Variants in MFN1 observed in about 807,000 individuals in gnomAD.
MFN1 encodes the protein mitofusin 1, also known as mitofusin-1.
MFN1 carries 65 observed loss-of-function variants against 92.4 expected under a neutral mutation model. That is an observed-to-expected ratio of 0.70 (90% CI 0.58 to 0.86). The LOEUF is 0.86. Ranked by LOEUF, MFN1 falls within the 40% of genes least tolerant of loss-of-function variation. MFN1 has a pLI of 0.00. For missense variants in MFN1, 781 were observed against 868.0 expected (o/e 0.90, Z 1.26); for synonymous variants, 297 against 300.9 (o/e 0.99, Z 0.13).
Position 179,378,549 on chromosome 3 carries a change from TTCTTA to T in MFN1, c.1433-30_1433-26del, listed in dbSNP as rs551476615. 4,454 of 1,564,004 alleles carry T rather than the reference TTCTTA, an allele frequency of 2.8e-3. 11 individuals are homozygous for T. Among genetic ancestry groups the T allele is most frequent in the Middle Eastern group, 7.5e-3 (44 of 5,900 alleles). On this transcript the variant is annotated intron_variant, in intron 13 of 17. Coordinates refer to ENST00000471841, the MANE Select transcript of MFN1 (RefSeq NM_033540.3). ...TCCATTGAAGGTAAAACATTTACCA[TTCTTA>T]TCTTAAGTGTTGTAATTTTGTTCTT...
chr3:179,385,492 T>G, intron 14 of MFN1, 77 bp from the exon 15 acceptor site: 1 of 1,363,172 alleles, frequency 7.3e-7, no homozygotes. Flanking sequence ...TGTGCTACTA[T>G]AATTTTAGAG....
At chr3:179,363,743 C>T (rs2108533637) in intron 5 of MFN1, among the ~76,000 whole-genome samples, 1 of 152,212 alleles carries the variant, frequency 6.6e-6, no homozygotes, top group African/African-American at 2.4e-5. Flanking sequence ...CCCGCCTTGG[C>T]ATCCCAAAAT....
At position 179,386,615 on chromosome 3, in the gene MFN1, T is replaced by G; in HGVS notation, c.1998T>G (p.Ser666Arg). Residue 666 changes from serine to arginine, a missense_variant, in exon 16 of 18, where the codon AGT becomes AGG. By Grantham distance (110) the Ser-to-Arg change is moderately radical. Coordinates refer to ENST00000471841, the MANE Select transcript of MFN1 (RefSeq NM_033540.3). ...TTAGCTCCACGAGTGCAAACTGCAG[T>G]CACCAAGTAAAACAGTAAGTTGGAA... The part of the protein sequence containing the change: ...MIVSSTSANC[S>R]HQVKQQIATT... 1 of 1,609,294 alleles carries G rather than the reference T, an allele frequency of 6.2e-7. No homozygotes were observed. The highest frequency in any genetic ancestry group is 8.5e-7 in the Non-Finnish European group (1 of 1,178,250).
chr3:179,394,263 G>GT lies in MFN1; in HGVS notation c.*2207dup, dbSNP rs1714009079. 1 of 152,160 alleles carries GT rather than the reference G, an allele frequency of 6.6e-6. No individual in the cohort carries two copies. Among genetic ancestry groups the GT allele is most frequent in the Non-Finnish European group, 1.5e-5 (1 of 68,060 alleles). The allele number at this position is 152,160 out of a possible 1,614,324, so 9.4% of individuals were successfully genotyped here. On this transcript the variant is annotated 3_prime_UTR_variant, in exon 18 of 18. Transcript: ENST00000471841. ...CTATGGTTTAACAAGCCATCCAGGT[G>GT]TTTCTGATGCACAGTGAAATTGGGG...
chr3:179,360,266 C>T (rs1244981437), intron 4 of MFN1, among the ~76,000 whole-genome samples: 1 of 152,060 alleles, frequency 6.6e-6, no homozygotes, highest in East Asian at 1.9e-4. Context: ...TGTATCATTG[C>T]TGTTTAATCT....
intron 14 of MFN1, among the ~76,000 whole-genome samples, chr3:179,380,881 T>C (rs1713439224): frequency 6.6e-6 from 1 of 152,206 alleles, no homozygotes; most frequent in Non-Finnish European, 1.5e-5. Context: ...CCTCTGCCTG[T>C]CACTACATTT....
Position 179,390,036 on chromosome 3 carries a change from AAC to A in MFN1, c.2047_2048del (p.Gln683SerfsTer2). Reference sequence around the variant, plus strand: ...GCTACCACTTTTGCTCGCCTGTGCCAACAAGTTGATATTACTCAAAAACAGCT... The same window carrying A: ...GCTACCACTTTTGCTCGCCTGTGCCAAAGTTGATATTACTCAAAAACAGCT... On this transcript the variant is annotated frameshift_variant, in exon 17 of 18. Transcript: ENST00000471841. LOFTEE classifies it high-confidence loss of function. 1 of 1,605,580 alleles carries A rather than the reference AAC, an allele frequency of 6.2e-7. No homozygotes were observed. The highest frequency in any genetic ancestry group is 8.5e-7 in the Non-Finnish European group (1 of 1,177,676).
intron 9 of MFN1, among the ~76,000 whole-genome samples, chr3:179,369,284 G>T (rs2032699): frequency 1.3e-5 from 2 of 151,906 alleles, no homozygotes; most frequent in Non-Finnish European, 2.9e-5. Flanking sequence ...CAATCATAGC[G>T]CATTGCAGCC....
At chr3:179,358,150 G>GTTTTTTT (rs771740459) in intron 3 of MFN1, among the ~76,000 whole-genome samples, 4 of 119,688 alleles carry the variant, frequency 3.3e-5, no homozygotes, top group East Asian at 2.4e-4. Flanking sequence ...CACTCATTTT[G>GTTTTTTT]TTTTTTTTTT....
intron 11 of MFN1, 87 bp downstream of exon 11, chr3:179,377,255 A>G: frequency 6.5e-7 from 1 of 1,531,056 alleles, no homozygotes; most frequent in Non-Finnish European, 8.9e-7. Flanking sequence ...TTACTTTAAA[A>G]GAATGTTTTC....
intron 6 of MFN1, among the ~76,000 whole-genome samples, chr3:179,364,780 CA>C (rs1712720205): frequency 6.6e-6 from 1 of 152,128 alleles, no homozygotes; most frequent in East Asian, 1.9e-4. Flanking sequence ...CAGCTATTTC[CA>C]GCTTCACCAG....
intron 4 of MFN1, 53 bp from the exon 5 acceptor site, chr3:179,362,305 T>C: frequency 4.7e-6 from 7 of 1,479,392 alleles, no homozygotes; most frequent in Non-Finnish European, 5.4e-6. Flanking sequence ...TTTTAATTTT[T>C]ATTGAATTTT....
In MFN1 at chr3:179,348,977, A is replaced by C; in HGVS notation, c.112+14A>C. The C allele has an allele frequency of 1.3e-6, 2 of 1,564,176 alleles. No individual in the cohort carries two copies. The highest frequency in any genetic ancestry group is 1.1e-5 in the South Asian group (1 of 87,162). The stretch of plus-strand genomic sequence containing the variant: ...ATTTTGTTGAAGGTTAGTTCTTCTT[A>C]AGTTTTTAAAGTAATTACTGTTGAA... On this transcript the variant is annotated intron_variant, in intron 2 of 17. Transcript: ENST00000471841.
At chr3:179,379,740 C>T (rs1339529980) in intron 14 of MFN1, among the ~76,000 whole-genome samples, 1 of 152,088 alleles carries the variant, frequency 6.6e-6, no homozygotes, top group Non-Finnish European at 1.5e-5. Flanking sequence ...ATTTATAACA[C>T]ATAAATTTAA....
intron 2 of MFN1, among the ~76,000 whole-genome samples, chr3:179,349,945 A>AC (rs1420972037): frequency 6.6e-6 from 1 of 152,088 alleles, no homozygotes; most frequent in Non-Finnish European, 1.5e-5. Flanking sequence ...TGAGGTTAGG[A>AC]GTTCAAGACC....
intron 3 of MFN1, among the ~76,000 whole-genome samples, chr3:179,358,190 G>T (rs528960711): frequency 7.6e-6 from 1 of 132,230 alleles, no homozygotes; most frequent in African/African-American, 2.9e-5. Flanking sequence ...TGGCTCTGTC[G>T]CCCAGGCTGG....
chr3:179,362,504 A>G, intron 5 of MFN1, 22 bp downstream of exon 5: 1 of 1,606,478 alleles, frequency 6.2e-7, no homozygotes, highest in Non-Finnish European at 8.5e-7. Context: ...TGTGGATTGC[A>G]TTTTCTCTGG....
chr3:179,391,850 G>C (rs1713913681), intron 17 of MFN1, 131 bp from the exon 18 acceptor site: 1 of 598,036 alleles, frequency 1.7e-6, no homozygotes, highest in Non-Finnish European at 3.0e-6. Context: ...TCCCGTGTAA[G>C]GTATGATTCC....
intron 16 of MFN1, among the ~76,000 whole-genome samples, chr3:179,389,660 A>G (rs1312790825): frequency 2.6e-5 from 4 of 152,192 alleles, no homozygotes; most frequent in South Asian, 2.1e-4. Flanking sequence ...CCTATGTCAC[A>G]AAAGTGCATG....
Sources: gnomAD v4.1 joint callset for allele counts (sites outside exome capture counted in the v4.1 genomes callset) on GRCh38, gnomAD v4.1.1 for gene constraint, MANE v1.5 for transcripts, NCBI Gene and HGNC (gene_info 2026-07-23, HGNC 2026-07-21) for gene names.